The following PHRF1 variants were observed in gnomAD, a reference collection of about 807,000 sequenced individuals.
PHRF1 encodes the protein PHD and ring finger domains 1, also known as PHD and RING finger domain-containing protein 1.
In PHRF1, 53 loss-of-function variants were observed where a neutral mutation model predicts 128.9. The observed-to-expected ratio is 0.41, with a 90% CI of 0.33 to 0.52. The LOEUF is 0.52. PHRF1 is among the 20% of genes least tolerant of loss of function. The probability of loss-of-function intolerance (pLI) is 0.21; values close to 1 mark genes in which losing one functional copy is unlikely to be tolerated. For synonymous variants in PHRF1, 1,178 were observed against 980.6 expected, an observed-to-expected ratio of 1.20 and a Z score of -3.76; for missense variants, 2,503 against 2,284.5, an observed-to-expected ratio of 1.10 and a Z score of -1.95.
rs139638126 is a variant in PHRF1, at chr11:591,180, G to T, written c.421-204G>T. ...TGAGATGCTACGCGTTCATGGAGCT[G>T]CTCTTTCCTCCCCGCTAGGGCTGGC... is the stretch of plus-strand genomic sequence containing the variant. On this transcript the variant is annotated intron_variant, in intron 4 of 17. Coordinates refer to ENST00000264555, the MANE Select transcript of PHRF1 (RefSeq NM_001286581.2). 3.3e-3 allele frequency among the ~76,000 whole-genome samples: 499 copies of T among 152,302 alleles called. 2 individuals carry two copies. The highest frequency in any genetic ancestry group is 0.011 in the African/African-American group (464 of 41,578).
At chr11:611,149 A>C in intron 17 of PHRF1, 67 bp downstream of exon 17, 6 of 1,592,878 alleles carry the variant, frequency 3.8e-6, no homozygotes, top group African/African-American at 1.3e-5. Context: ...CTGTCTCGTC[A>C]GCATGGACTT....
At position 608,355 on chromosome 11, in the gene PHRF1, G is replaced by T; in HGVS notation, c.2899G>T (p.Glu967Ter). The change falls in exon 14 of 18, where the codon GAG becomes TAG. Residue 967 changes from glutamate to a stop codon, truncating the protein, a stop_gained. Coordinates refer to ENST00000264555, the MANE Select transcript of PHRF1 (RefSeq NM_001286581.2). LOFTEE classifies it high-confidence loss of function. ...ERTVTCVTVV[E>*]PEAPPSPDVL... The stretch of plus-strand genomic sequence containing the variant: ...GACGGTGACCTGTGTGACTGTCGTG[G>T]AGCCGGAAGCCCCACCCAGCCCGGA... 1 of 1,610,484 alleles carries T rather than the reference G, an allele frequency of 6.2e-7. No homozygotes were observed.
At chr11:594,696 A>C (rs997337864) in intron 6 of PHRF1, among the ~76,000 whole-genome samples, 1 of 152,192 alleles carries the variant, frequency 6.6e-6, no homozygotes, top group Non-Finnish European at 1.5e-5. Context: ...TCCTGGGCTC[A>C]ATTGATCCGC....
chr11:610,052 C>T lies in PHRF1; in HGVS notation c.4265-144C>T, dbSNP rs906481114. On this transcript the variant is annotated intron_variant, in intron 14 of 17. Transcript: ENST00000264555. ...GGCTAGGAGCTGGCACACCTCGCAA[C>T]CTCCCCTTGGTGCTGGGGGTGGATC... 5.3e-6 allele frequency: 6 copies of T among 1,121,932 alleles called. No individual in the cohort carries two copies. In the Admixed American group the frequency reaches 1.5e-4, roughly 28 times the overall value. The allele number at this position is 1,121,932 out of a possible 1,614,324, so 69.5% of individuals were successfully genotyped here.
At position 606,340 on chromosome 11, in the gene PHRF1, C is replaced by G. The variant is rs1855936281; in HGVS notation, c.1455-102C>G. The G allele has an allele frequency of 2.1e-6, 3 of 1,403,424 alleles. No individual in the cohort carries two copies. The South Asian group carries it at 4.4e-5, about 21-fold the overall frequency. 86.9% of individuals were successfully genotyped at this position (1,403,424 alleles called of 1,614,324 possible). A position where few individuals can be genotyped will look rare whatever the true frequency, so the allele number is the denominator to read the frequency against. On this transcript the variant is annotated intron_variant, in intron 12 of 17. Transcript: ENST00000264555. ...TGGGGGAGGCGCAGGCCCGGCCCAGCCCCACTCTCCCTGGCTCCCGCCTGC... is the reference window on the plus strand; with the variant it reads ...TGGGGGAGGCGCAGGCCCGGCCCAGGCCCACTCTCCCTGGCTCCCGCCTGC...
rs1855440855 is a variant in PHRF1 at position 598,573 on chromosome 11, T to TC, written c.1024+74dup. On this transcript the variant is annotated intron_variant, in intron 9 of 17. Transcript: ENST00000264555. ...CCACGCCCGAGGTCCACTCACTGCT[T>TC]CCCTCAAGGCTGTGGGCATTTCCAT... 13 of 1,531,008 alleles carry TC rather than the reference T, an allele frequency of 8.5e-6. No homozygotes were observed. In the East Asian group the frequency reaches 3.1e-4, roughly 36 times the overall value. 94.8% of individuals were successfully genotyped at this position (1,531,008 alleles called of 1,614,324 possible).
intron 4 of PHRF1, among the ~76,000 whole-genome samples, chr11:590,834 G>A (rs911498613): frequency 1.3e-5 from 2 of 152,082 alleles, no homozygotes; most frequent in African/African-American, 4.8e-5. Flanking sequence ...CTCCCGAGTA[G>A]CTGGGGTTAC....
At chr11:585,290 T>A (rs111384263) in intron 3 of PHRF1, among the ~76,000 whole-genome samples, 24 of 104,260 alleles carry the variant, frequency 2.3e-4, no homozygotes, top group South Asian at 1.7e-3. Flanking sequence ...CCTTTCCAGC[T>A]TGAGGTAGTA....
chr11:589,763 C>G (rs1029005806), intron 4 of PHRF1, among the ~76,000 whole-genome samples: 1 of 152,202 alleles, frequency 6.6e-6, no homozygotes, highest in Non-Finnish European at 1.5e-5. Flanking sequence ...TGCAAACGGG[C>G]ACGGAGCATG....
At position 592,684 on chromosome 11, in the gene PHRF1, G is replaced by C. The variant is rs754019510; in HGVS notation, c.620+10G>C. The C allele has an allele frequency of 9.9e-6, 16 of 1,613,618 alleles. No homozygotes were observed. Among genetic ancestry groups the C allele is most frequent in the African/African-American group, 2.7e-5 (2 of 74,952 alleles). On this transcript the variant is annotated intron_variant, in intron 6 of 17. Transcript: ENST00000264555. ...ACGGCTGCGATGCGGGGTAAGGGAC[G>C]GTTGGGACTGGCACACGTGCCCTGC...
At chr11:581,375 T>G (rs2134172921) in intron 1 of PHRF1, 117 bp from the exon 2 acceptor site, 1 of 782,566 alleles carries the variant, frequency 1.3e-6, no homozygotes, top group South Asian at 1.8e-5. Flanking sequence ...ACTCTTCACG[T>G]GCTGTGGCGG....
chr11:596,493 C>T (rs1329280568), intron 6 of PHRF1, among the ~76,000 whole-genome samples: 3 of 152,196 alleles, frequency 2.0e-5, no homozygotes, highest in Admixed American at 6.5e-5. Context: ...GAGCCACTGT[C>T]GGCCTGTGGG....
At chr11:610,908 A>C (rs987086191) in intron 16 of PHRF1, 46 bp from the exon 17 acceptor site, 1 of 1,603,504 alleles carries the variant, frequency 6.2e-7, no homozygotes, top group Non-Finnish European at 8.5e-7. Flanking sequence ...GGCCAGAGGG[A>C]CTCCCGGCTC....
At chr11:605,581 T>G in intron 11 of PHRF1, 24 bp from the exon 12 acceptor site, 1 of 1,610,836 alleles carries the variant, frequency 6.2e-7, no homozygotes, top group Non-Finnish European at 8.5e-7. Flanking sequence ...ACTTGTTCCC[T>G]TTGGCCTGTG....
At position 607,131 on chromosome 11, in the gene PHRF1, C is replaced by T; in HGVS notation, c.1675C>T (p.Leu559=). Residue 559 remains leucine, a synonymous_variant, in exon 14 of 18, where the codon CTG becomes TTG. Coordinates refer to ENST00000264555, the MANE Select transcript of PHRF1 (RefSeq NM_001286581.2). The stretch of plus-strand genomic sequence containing the variant: ...AGGGGAAGAAGGATTCAAGGGCTGC[C>T]TGCAGCCCCGAGCACTGCCCTCCGG... ...SRGEEGFKGC[L]QPRALPSGSP... The T allele has an allele frequency of 6.2e-7, 1 of 1,612,676 alleles. No individual in the cohort carries two copies. The highest frequency in any genetic ancestry group is 8.5e-7 in the Non-Finnish European group (1 of 1,179,510).
rs1855326411 is a variant in PHRF1 at position 597,094 on chromosome 11, T to TCCCCGGGG, written c.718+74_718+75insCCCCGGGG. 24 of 1,478,244 alleles carry TCCCCGGGG rather than the reference T, an allele frequency of 1.6e-5. No individual in the cohort carries two copies. In the South Asian group the frequency reaches 2.9e-4, roughly 18 times the overall value. The allele number at this position is 1,478,244 out of a possible 1,614,324, so 91.6% of individuals were successfully genotyped here. A position where few individuals can be genotyped will look rare whatever the true frequency, so the allele number is the denominator to read the frequency against. Reference sequence around the variant, plus strand: ...CCACTCTGCGGTCCCCGGGGTTAGGTTTGGCTGCTGTGTGGGGAGGACATC... The same window carrying TCCCCGGGG: ...CCACTCTGCGGTCCCCGGGGTTAGGTCCCCGGGGTTGGCTGCTGTGTGGGGAGGACATC... On this transcript the variant is annotated intron_variant, in intron 7 of 17. Transcript: ENST00000264555. The surrounding 1 kb of genome is among the most constrained non-coding windows in gnomAD (Gnocchi z 6.5).
intron 4 of PHRF1, among the ~76,000 whole-genome samples, chr11:590,806 C>T (rs184623036): frequency 3.3e-5 from 5 of 152,210 alleles, no homozygotes; most frequent in African/African-American, 7.2e-5. Context: ...CGGGTTCAAA[C>T]GATTCTCCTG....
intron 8 of PHRF1, among the ~76,000 whole-genome samples, 198 bp from the exon 9 acceptor site, chr11:598,175 C>T (rs1438736895): frequency 6.6e-6 from 1 of 152,246 alleles, no homozygotes; most frequent in Non-Finnish European, 1.5e-5. Context: ...CCCCCACCCG[C>T]CTTGCCCCCG....
intron 4 of PHRF1, among the ~76,000 whole-genome samples, chr11:589,563 C>G (rs753601819): frequency 9.8e-6 from 1 of 101,650 alleles, no homozygotes; most frequent in Non-Finnish European, 2.2e-5. Flanking sequence ...TAGAAGAGGC[C>G]TGGACACACT....
Sources: gnomAD v4.1 joint callset for allele counts (sites outside exome capture counted in the v4.1 genomes callset) on GRCh38, gnomAD v4.1.1 for gene constraint, Gnocchi (gnomAD v3.1) non-coding constraint, MANE v1.5 for transcripts, NCBI Gene and HGNC (gene_info 2026-07-23, HGNC 2026-07-21) for gene names.